Variants in NCKAP5 observed in about 807,000 individuals in gnomAD.
NCKAP5 encodes NCK associated protein 5, also known as nck-associated protein 5.
In NCKAP5, 92 loss-of-function variants were observed where a neutral mutation model predicts 167.0. The ratio of observed to expected loss-of-function variants is 0.55; its 90% CI spans 0.47 to 0.66. The LOEUF (loss-of-function observed/expected upper bound fraction) is 0.66, where lower values mean the gene tolerates loss of function less well. NCKAP5 is among the 30% of genes least tolerant of loss of function. The pLI is 0.00. For synonymous variants in NCKAP5, 891 were observed against 877.4 expected, an observed-to-expected ratio of 1.02 and a Z score of -0.27; for missense variants, 2,378 against 2,315.0, an observed-to-expected ratio of 1.03 and a Z score of -0.56.
intron 8 of NCKAP5, among the ~76,000 whole-genome samples, chr2:132,911,724 A>T (rs1391627545): frequency 6.6e-6 from 1 of 152,218 alleles, no homozygotes; most frequent in Admixed American, 6.5e-5. Flanking sequence ...TGTGAACTCC[A>T]TAAGCAGAGA....
chr2:133,251,916 G>T (rs1158009210), intron 4 of NCKAP5, among the ~76,000 whole-genome samples: 1 of 152,212 alleles, frequency 6.6e-6, no homozygotes, highest in Admixed American at 6.5e-5. Flanking sequence ...TATTGGAGTG[G>T]TTCTTTGAAA....
intron 3 of NCKAP5, chr2:133,391,054 T>C (rs1687365560): frequency 6.6e-6 from 1 of 152,198 alleles, no homozygotes. Flanking sequence ...TCTGAACATT[T>C]CTATCCTCAG....
At chr2:133,515,190 C>A (rs577810057) in intron 3 of NCKAP5, among the ~76,000 whole-genome samples, 2 of 152,166 alleles carry the variant, frequency 1.3e-5, no homozygotes, top group African/African-American at 4.8e-5. Flanking sequence ...ATTCAAGGTG[C>A]TTTCAATGGT....
intron 3 of NCKAP5, among the ~76,000 whole-genome samples, chr2:133,380,323 C>A (rs574598590): frequency 4.6e-5 from 7 of 151,838 alleles, no homozygotes; most frequent in Non-Finnish European, 1.0e-4. Flanking sequence ...TTACAGTGAG[C>A]AATTTTTTTT....
At chr2:133,048,661 G>C (rs1360403683) in intron 6 of NCKAP5, among the ~76,000 whole-genome samples, 1 of 152,126 alleles carries the variant, frequency 6.6e-6, no homozygotes, top group Non-Finnish European at 1.5e-5. Flanking sequence ...CACTCATATT[G>C]TCACATTTTA....
At chr2:132,872,198 C>T (rs749232669) in intron 9 of NCKAP5, among the ~76,000 whole-genome samples, 13 of 152,320 alleles carry the variant, frequency 8.5e-5, no homozygotes, top group Middle Eastern at 3.4e-3. Context: ...CTTCCTTAGG[C>T]TGTCCATGGA....
the NCKAP5 span, among the ~76,000 whole-genome samples, chr2:133,578,280 C>T: frequency 6.6e-6 from 1 of 152,214 alleles, no homozygotes; most frequent in Admixed American, 6.5e-5. Flanking sequence ...TGCACCCTTG[C>T]AGTGACCCCA....
At chr2:132,945,173 C>T (rs545255730) in intron 8 of NCKAP5, among the ~76,000 whole-genome samples, 1 of 152,132 alleles carries the variant, frequency 6.6e-6, no homozygotes, top group East Asian at 1.9e-4. Flanking sequence ...CTCCCTACAC[C>T]CAGATAAGTT....
At chr2:133,302,570 GAAT>G (rs1225555167) in intron 4 of NCKAP5, among the ~76,000 whole-genome samples, 2 of 104,042 alleles carry the variant, frequency 1.9e-5, no homozygotes, top group Non-Finnish European at 3.7e-5. Flanking sequence ...TCATAGGTGG[GAAT>G]TGAACAATGA....
intron 3 of NCKAP5, among the ~76,000 whole-genome samples, chr2:133,356,247 T>TAGG: frequency 6.6e-6 from 1 of 152,142 alleles, no homozygotes; most frequent in Non-Finnish European, 1.5e-5. Context: ...TTCTTATATC[T>TAGG]CAAATCCCAT....
In NCKAP5 at chr2:133,356,519, T is replaced by A. The variant is rs146969365; in HGVS notation, c.70-53409A>T. On this transcript the variant is annotated intron_variant, in intron 3 of 19. Transcript: ENST00000409261. ...AATTCAATGGCATGATGTTGAAAAC[T>A]GAACTCTGATTTTCTGGCCAATCCA... Among the ~76,000 whole-genome samples, 1,045 of 152,336 alleles carry A rather than the reference T, an allele frequency of 6.9e-3. 14 individuals carry two copies. Among genetic ancestry groups the A allele is most frequent in the African/African-American group, 0.022 (913 of 41,572 alleles).
At chr2:133,265,618 G>A (rs896243033) in intron 4 of NCKAP5, among the ~76,000 whole-genome samples, 5 of 152,098 alleles carry the variant, frequency 3.3e-5, no homozygotes, top group African/African-American at 1.2e-4. Flanking sequence ...CTGGGCGGGA[G>A]GTGGCAACAA....
rs138032767 is a variant in NCKAP5, at chr2:132,813,715, T to C, written c.808-16986A>G. 1.4e-3 allele frequency among the ~76,000 whole-genome samples: 215 copies of C among 152,270 alleles called. 1 individual carries two copies. Among genetic ancestry groups the C allele is most frequent in the African/African-American group, 4.9e-3 (204 of 41,544 alleles). ...TGAGGAGACATTAAAATCAAACTATTATCACTTAACTTTGGAAGATAACCT... is the reference window on the plus strand; with the variant it reads ...TGAGGAGACATTAAAATCAAACTATCATCACTTAACTTTGGAAGATAACCT... On this transcript the variant is annotated intron_variant, in intron 11 of 19. Transcript: ENST00000409261.
intron 3 of NCKAP5, among the ~76,000 whole-genome samples, chr2:133,446,725 GA>G (rs1386808491): frequency 1.3e-5 from 2 of 152,168 alleles, no homozygotes; most frequent in Admixed American, 1.3e-4. Context: ...TGAAAGCTTA[GA>G]AGAGTAACCA....
chr2:133,108,893 T>C lies in NCKAP5; in HGVS notation c.341+21085A>G, dbSNP rs115650421. Among the ~76,000 whole-genome samples the C allele has an allele frequency of 5.8e-3, 888 of 152,362 alleles. 2 individuals carry two copies. The highest frequency in any genetic ancestry group is 0.02 in the African/African-American group (839 of 41,578). On this transcript the variant is annotated intron_variant, in intron 6 of 19. Coordinates refer to ENST00000409261, the MANE Select transcript of NCKAP5 (RefSeq NM_207363.3). ...CTTCTTTTTTAATGATAATATTCCA[T>C]TGTGTCTGTGTGTATACACATATTT...
At chr2:132,946,359 A>C (rs1183993889) in intron 8 of NCKAP5, among the ~76,000 whole-genome samples, 1 of 152,216 alleles carries the variant, frequency 6.6e-6, no homozygotes, top group East Asian at 1.9e-4. Context: ...TTTAGGGTGA[A>C]GATCCAGATT....
At chr2:132,921,234 TGTTGTGGAGGATCCA>T (rs1574637859) in intron 8 of NCKAP5, among the ~76,000 whole-genome samples, 1 of 152,076 alleles carries the variant, frequency 6.6e-6, no homozygotes, top group East Asian at 1.9e-4. Context: ...CAATCTCCTC[TGTTGTGGAGGATCCA>T]GAAACTAGGG....
intron 4 of NCKAP5, among the ~76,000 whole-genome samples, chr2:133,249,569 G>C (rs1197523360): frequency 1.3e-5 from 2 of 152,168 alleles, no homozygotes; most frequent in Non-Finnish European, 2.9e-5. Context: ...GATTGTTCTA[G>C]GTACAACCAC....
chr2:132,775,776 T>A (rs1682495791), intron 15 of NCKAP5, among the ~76,000 whole-genome samples: 1 of 152,218 alleles, frequency 6.6e-6, no homozygotes, highest in African/African-American at 2.4e-5. Context: ...TATCCTCTTT[T>A]ATAGAACAAC....
Sources: allele counts gnomAD v4.1 joint callset (sites outside exome capture counted in the v4.1 genomes callset), GRCh38; gene constraint gnomAD v4.1.1; transcripts MANE v1.5; gene names NCBI Gene and HGNC (gene_info 2026-07-23, HGNC 2026-07-21).